The following ZFP14 variants were observed in gnomAD, a reference collection of about 807,000 sequenced individuals.
The protein encoded by ZFP14 is zinc finger protein 14 homolog.
ZFP14 carries 22 observed loss-of-function variants against 54.5 expected under a neutral mutation model. The observed-to-expected ratio is 0.40, with a 90% CI of 0.29 to 0.58. The LOEUF is 0.58. Ranked by LOEUF, ZFP14 falls within the 20% of genes least tolerant of loss-of-function variation. The pLI is 0.39. For synonymous variants in ZFP14, 159 were observed against 204.0 expected (o/e 0.78, Z 1.88); for missense variants, 470 against 637.8 (o/e 0.74, Z 2.83).
intron 4 of ZFP14, among the ~76,000 whole-genome samples, chr19:36,346,756 G>A (rs150961279): frequency 1.8e-3 from 280 of 152,104 alleles, no homozygotes; most frequent in African/African-American, 6.2e-3. Context: ...GCGCCCAGCC[G>A]CTCTCACATT....
intron 4 of ZFP14, among the ~76,000 whole-genome samples, chr19:36,346,108 C>T (rs2031408299): frequency 6.6e-6 from 1 of 152,012 alleles, no homozygotes; most frequent in African/African-American, 2.4e-5. Flanking sequence ...GTCTGGGCAA[C>T]ATGGCAAAAC....
chr19:36,355,347 G>GA lies in ZFP14; in HGVS notation c.235+5087dup, dbSNP rs1261091725. ...AATTAAGGTTAAAGGAGGCCTAGAGGAGGGGTCCTAATCCACTAGAATTAC... is the reference window on the plus strand; with the variant it reads ...AATTAAGGTTAAAGGAGGCCTAGAGGAAGGGGTCCTAATCCACTAGAATTAC... On this transcript the variant is annotated intron_variant, in intron 4 of 4. Transcript: ENST00000270001. Among the ~76,000 whole-genome samples, 3 of 141,932 alleles carry GA rather than the reference G, an allele frequency of 2.1e-5. 1 individual carries two copies. The highest frequency in any genetic ancestry group is 3.1e-5 in the Non-Finnish European group (2 of 64,150). 93.1% of individuals were successfully genotyped at this position (141,932 alleles called of 152,430 possible).
chr19:36,340,030 T>G lies in ZFP14; in HGVS notation c.*194A>C. 1 of 511,870 alleles carries G rather than the reference T, an allele frequency of 2.0e-6. No homozygotes were observed. The highest frequency in any genetic ancestry group is 3.3e-5 in the East Asian group (1 of 30,570). 31.7% of individuals were successfully genotyped at this position (511,870 alleles called of 1,614,324 possible). Reference sequence around the variant, plus strand: ...GATAAGGCTAAAGATTTTCCTACATTCATTACATTATTCTCTCATAGGAAT... The same window carrying G: ...GATAAGGCTAAAGATTTTCCTACATGCATTACATTATTCTCTCATAGGAAT... On this transcript the variant is annotated 3_prime_UTR_variant, in exon 5 of 5. Transcript: ENST00000270001. This position sits in a 1 kb window ranked among gnomAD's most constrained non-coding sequence, Gnocchi z 5.4.
intron 1 of ZFP14, among the ~76,000 whole-genome samples, chr19:36,374,864 C>T (rs887326766): frequency 6.6e-6 from 1 of 152,110 alleles, no homozygotes; most frequent in Non-Finnish European, 1.5e-5. Context: ...AAGACTTTCC[C>T]GGCTCAAGTT....
chr19:36,369,698 A>AC (rs2031852017), intron 1 of ZFP14, among the ~76,000 whole-genome samples: 1 of 152,198 alleles, frequency 6.6e-6, no homozygotes, highest in Non-Finnish European at 1.5e-5. Context: ...GGCGTGAGCC[A>AC]CCACACCCAG....
chr19:36,340,176 A>G lies in ZFP14; in HGVS notation c.*48T>C. 1 of 1,474,164 alleles carries G rather than the reference A, an allele frequency of 6.8e-7. No individual in the cohort carries two copies. Among genetic ancestry groups the G allele is most frequent in the Non-Finnish European group, 9.0e-7 (1 of 1,109,804 alleles). 91.3% of individuals were successfully genotyped at this position (1,474,164 alleles called of 1,614,324 possible). On this transcript the variant is annotated 3_prime_UTR_variant, in exon 5 of 5. Transcript: ENST00000270001. This position sits in a 1 kb window ranked among gnomAD's most constrained non-coding sequence, Gnocchi z 5.4. ...ATGAAACACATTTTCTCAAAAATGA[A>G]TTTTCTGATGTTCTGTAACATCATA...
At chr19:36,374,489 C>CAAAAAAAAAAAA (rs398034483) in intron 1 of ZFP14, among the ~76,000 whole-genome samples, 2 of 70,538 alleles carry the variant, frequency 2.8e-5, no homozygotes, top group African/African-American at 6.1e-5. Flanking sequence ...GACTCTGTCT[C>CAAAAAAAAAAAA]AAAAAAAAAA....
Position 36,366,109 on chromosome 19 carries a change from AAC to A in ZFP14, c.9+1773_9+1774del, listed in dbSNP as rs534680256. ...GTGAAACCCCGTCTCTACAAAAAAA[AAC>A]ACAAAAAATAGCTGGGAGTGGTGGT... On this transcript the variant is annotated intron_variant, in intron 2 of 4. Coordinates refer to ENST00000270001, the MANE Select transcript of ZFP14 (RefSeq NM_020917.3). Among the ~76,000 whole-genome samples, 47 of 152,050 alleles carry A rather than the reference AAC, an allele frequency of 3.1e-4. 2 individuals carry two copies. In the East Asian group the frequency reaches 8.4e-3, roughly 27 times the overall value.
chr19:36,378,136 C>G (rs1003382865), intron 1 of ZFP14: 10 of 152,172 alleles, frequency 6.6e-5, no homozygotes, highest in African/African-American at 2.4e-4. Flanking sequence ...CGGTTGAGTT[C>G]CAGCTGAAAG....
intron 1 of ZFP14, among the ~76,000 whole-genome samples, chr19:36,373,301 CCAAACAAA>C (rs1397555646): frequency 1.3e-5 from 2 of 149,648 alleles, no homozygotes; most frequent in Non-Finnish European, 3.0e-5. Context: ...AAAAAAACAA[CCAAACAAA>C]CAAACAAACA....
chr19:36,358,406 C>T (rs1221307824), intron 4 of ZFP14, among the ~76,000 whole-genome samples: 1 of 152,128 alleles, frequency 6.6e-6, no homozygotes, highest in African/African-American at 2.4e-5. Flanking sequence ...CCACTGCACC[C>T]GGCCTGATTT....
intron 4 of ZFP14, among the ~76,000 whole-genome samples, chr19:36,349,602 G>C (rs960841986): frequency 6.6e-6 from 1 of 150,760 alleles, no homozygotes; most frequent in Non-Finnish European, 1.5e-5. Context: ...AGGAGGCAGA[G>C]GCCACAGTGA....
chr19:36,363,624 G>A (rs2031746717), intron 2 of ZFP14, among the ~76,000 whole-genome samples: 1 of 152,114 alleles, frequency 6.6e-6, no homozygotes, highest in Non-Finnish European at 1.5e-5. Context: ...AATGGGTAGA[G>A]GCCAGGGACA....
intron 4 of ZFP14, among the ~76,000 whole-genome samples, chr19:36,352,224 C>A (rs10420071): frequency 0.6 from 84,625 of 140,270 alleles, 30,559 homozygotes; most frequent in African/African-American, 0.7. Flanking sequence ...CAATTTTGAA[C>A]AAGATATAAA....
chr19:36,364,337 G>A (rs1333468628), intron 2 of ZFP14, among the ~76,000 whole-genome samples: 1 of 152,156 alleles, frequency 6.6e-6, no homozygotes, highest in African/African-American at 2.4e-5. Flanking sequence ...GAACAAGCAG[G>A]GGTATGGGAG....
rs1568467162 is a variant in ZFP14 at position 36,349,250 on chromosome 19, AAAAAAAC to A, written c.236-7667_236-7661del. Among the ~76,000 whole-genome samples the A allele has an allele frequency of 8.9e-4, 61 of 68,856 alleles. 16 individuals carry two copies. The highest frequency in any genetic ancestry group is 4.4e-3 in the African/African-American group (58 of 13,208). 45.2% of individuals were successfully genotyped at this position (68,856 alleles called of 152,430 possible). A position where few individuals can be genotyped will look rare whatever the true frequency, so the allele number is the denominator to read the frequency against. On this transcript the variant is annotated intron_variant, in intron 4 of 4. Coordinates refer to ENST00000270001, the MANE Select transcript of ZFP14 (RefSeq NM_020917.3). Reference sequence around the variant, plus strand: ...CTGTCTCAAAAAAAAAAACAAAAAAAAAAAAACAAAAAAAAAAAAACAGGAAGAACAT... The same window carrying A: ...CTGTCTCAAAAAAAAAAACAAAAAAAAAAAAAAAAAAAACAGGAAGAACAT...
intron 4 of ZFP14, among the ~76,000 whole-genome samples, chr19:36,349,342 T>C (rs918891841): frequency 4.7e-5 from 7 of 150,440 alleles, no homozygotes; most frequent in Non-Finnish European, 8.9e-5. Flanking sequence ...ACCAGTTTAA[T>C]TAATAATTCC....
intron 4 of ZFP14, among the ~76,000 whole-genome samples, chr19:36,352,183 C>CAA (rs541317625): frequency 0.049 from 5,726 of 116,840 alleles, 852 homozygotes; most frequent in African/African-American, 0.17. Context: ...GACTCTGTCT[C>CAA]AAAAAAAAAA....
intron 4 of ZFP14, among the ~76,000 whole-genome samples, chr19:36,354,074 CAAA>C (rs34807802): frequency 1.0e-4 from 9 of 85,800 alleles, no homozygotes; most frequent in African/African-American, 1.3e-4. Context: ...GACCCTGTCT[CAAA>C]AAAAAAAAAA....
Sources: allele counts gnomAD v4.1 joint callset (sites outside exome capture counted in the v4.1 genomes callset), GRCh38; gene constraint gnomAD v4.1.1; non-coding constraint Gnocchi (gnomAD v3.1); transcripts MANE v1.5; gene names NCBI Gene and HGNC (gene_info 2026-07-23, HGNC 2026-07-21).